NEK11: variants seen among roughly 807,000 people sequenced by gnomAD.
The protein encoded by NEK11 is serine/threonine-protein kinase Nek11.
NEK11 carries 72 observed loss-of-function variants against 80.7 expected under a neutral mutation model. That is an observed-to-expected ratio of 0.89 (90% CI 0.74 to 1.08). NEK11 has a LOEUF of 1.08. Ranked by LOEUF, NEK11 falls within the 50% of genes least tolerant of loss-of-function variation. The pLI is 0.00. For missense variants in NEK11, 764 were observed against 763.6 expected (o/e 1.00, Z -0.01); for synonymous variants, 251 against 260.7 (o/e 0.96, Z 0.36).
At chr3:131,082,214 A>G (rs1163088130) in intron 4 of NEK11, among the ~76,000 whole-genome samples, 3 of 152,190 alleles carry the variant, frequency 2.0e-5, no homozygotes, top group South Asian at 2.1e-4. Context: ...CAAATATGTC[A>G]CCAATTCGTG....
intron 7 of NEK11, among the ~76,000 whole-genome samples, chr3:131,137,139 T>C (rs2085751658): frequency 6.6e-6 from 1 of 152,056 alleles, no homozygotes; most frequent in Non-Finnish European, 1.5e-5. Flanking sequence ...AAATTTGGTG[T>C]GGAGGTTGGT....
At chr3:131,264,683 C>G (rs976082603) in intron 16 of NEK11, among the ~76,000 whole-genome samples, 1 of 152,106 alleles carries the variant, frequency 6.6e-6, no homozygotes, top group Non-Finnish European at 1.5e-5. Context: ...TTAGGATTGT[C>G]TTGGCAATGT....
At chr3:131,262,828 G>A (rs1007969666) in intron 16 of NEK11, among the ~76,000 whole-genome samples, 2 of 151,514 alleles carry the variant, frequency 1.3e-5, no homozygotes, top group Non-Finnish European at 2.9e-5. Context: ...CCCAACCCCC[G>A]ACAGGCCCTG....
At position 131,162,466 on chromosome 3, in the gene NEK11, C is replaced by T. The variant is rs1399624488; in HGVS notation, c.1021C>T (p.Pro341Ser). 1.2e-6 allele frequency: 2 copies of T among 1,614,044 alleles called. No homozygotes were observed. The highest frequency in any genetic ancestry group is 1.7e-6 in the Non-Finnish European group (2 of 1,179,962). ...ACTGTCAGAAGTACAGAAAATGACG[C>T]CAAGAGAAAGGATGCGGCTGAGGAA... is the stretch of plus-strand genomic sequence containing the variant. ...RALSEVQKMT[P>S]RERMRLRKLQ... The change falls in exon 11 of 18, where the codon CCA (proline) becomes TCA (serine). Residue 341 changes from proline (P) to serine (S), a missense_variant. Transcript: ENST00000383366.
chr3:131,062,797 G>A (rs368179222), intron 3 of NEK11, among the ~76,000 whole-genome samples: 10 of 152,190 alleles, frequency 6.6e-5, no homozygotes, highest in African/African-American at 2.2e-4. Flanking sequence ...CTGTCAAGGA[G>A]GAAAGGAACC....
intron 17 of NEK11, among the ~76,000 whole-genome samples, chr3:131,309,621 G>A (rs1352697900): frequency 1.5e-5 from 2 of 131,116 alleles, no homozygotes; most frequent in Non-Finnish European, 3.4e-5. Flanking sequence ...TTTTTTTTTT[G>A]ACAATATTAT....
chr3:131,195,037 C>T (rs183177532), intron 14 of NEK11, among the ~76,000 whole-genome samples: 1 of 152,142 alleles, frequency 6.6e-6, no homozygotes, highest in Non-Finnish European at 1.5e-5. Flanking sequence ...CTGAGGAGCC[C>T]TCATCTCATC....
chr3:131,292,422 T>A lies in NEK11; in HGVS notation c.1718+18848T>A, dbSNP rs113859095. ...CTTTTTTACCTCTCCATATAAACTTTGGAATCTGTTTGTCAACATCCACAA... is the reference window on the plus strand; with the variant it reads ...CTTTTTTACCTCTCCATATAAACTTAGGAATCTGTTTGTCAACATCCACAA... On this transcript the variant is annotated intron_variant, in intron 17 of 17. Coordinates refer to ENST00000383366, the MANE Select transcript of NEK11 (RefSeq NM_024800.5). Among the ~76,000 whole-genome samples, 1,494 of 152,324 alleles carry A rather than the reference T, an allele frequency of 9.8e-3. 21 individuals carry two copies. Among genetic ancestry groups the A allele is most frequent in the African/African-American group, 0.032 (1,334 of 41,574 alleles).
intron 16 of NEK11, among the ~76,000 whole-genome samples, chr3:131,244,418 G>A (rs2095566243): frequency 6.6e-6 from 1 of 151,922 alleles, no homozygotes; most frequent in South Asian, 2.1e-4. Flanking sequence ...ATTTAACATC[G>A]AAGCATGACT....
At chr3:131,167,173 T>C (rs914459691) in intron 12 of NEK11, among the ~76,000 whole-genome samples, 4 of 152,182 alleles carry the variant, frequency 2.6e-5, no homozygotes. Context: ...TAATAATGAA[T>C]AGAAAATGGG....
intron 3 of NEK11, among the ~76,000 whole-genome samples, chr3:131,049,222 G>A (rs1164998999): frequency 3.3e-5 from 5 of 152,178 alleles, no homozygotes; most frequent in Non-Finnish European, 7.3e-5. Flanking sequence ...AATAACAAAT[G>A]GACCTCATGG....
At chr3:131,175,626 T>C (rs889779928) in intron 14 of NEK11, among the ~76,000 whole-genome samples, 24 of 152,162 alleles carry the variant, frequency 1.6e-4, no homozygotes, top group African/African-American at 5.1e-4. Flanking sequence ...AAAGGGCACA[T>C]GGAAACCTTT....
chr3:131,255,032 AAG>A (rs754846820), intron 16 of NEK11, among the ~76,000 whole-genome samples: 41 of 130,120 alleles, frequency 3.2e-4, no homozygotes, highest in African/African-American at 3.7e-4. Context: ...GAAAGAAAGA[AAG>A]AGAGAGAGAG....
intron 17 of NEK11, among the ~76,000 whole-genome samples, chr3:131,304,846 C>T (rs923537921): frequency 1.2e-4 from 18 of 152,154 alleles, no homozygotes; most frequent in Non-Finnish European, 2.1e-4. Flanking sequence ...TGTGTTCACG[C>T]GCACATGCCA....
In NEK11 at chr3:131,243,448, G is replaced by A. The variant is rs370645606; in HGVS notation, c.1573G>A (p.Glu525Lys). ...CTTATTTTGACAGGACAGTGATATCGAAGCGTTGGCCAGGTGTTTGGAAAA... is the reference window on the plus strand; with the variant it reads ...CTTATTTTGACAGGACAGTGATATCAAAGCGTTGGCCAGGTGTTTGGAAAA... The part of the protein sequence containing the change: ...YRTNQQDSDI[E>K]ALARCLENVL... The change falls in exon 16 of 18, where the codon GAA becomes AAA. Residue 525 changes from glutamate to lysine, a missense_variant. Transcript: ENST00000383366. The A allele has an allele frequency of 4.8e-5, 78 of 1,612,518 alleles. No homozygotes were observed. Among genetic ancestry groups the A allele is most frequent in the Middle Eastern group, 3.3e-4 (2 of 6,068 alleles).
chr3:131,168,343 T>C (rs2092411364), intron 12 of NEK11, among the ~76,000 whole-genome samples: 1 of 151,352 alleles, frequency 6.6e-6, no homozygotes. Flanking sequence ...ATTTCTTTTT[T>C]TTTTTTTATT....
rs796758578 is a variant in NEK11, at chr3:131,086,068, ATTC to A, written c.336+5485_336+5487del. On this transcript the variant is annotated intron_variant, in intron 4 of 17. Coordinates refer to ENST00000383366, the MANE Select transcript of NEK11 (RefSeq NM_024800.5). ...AAGACTACTACAATAGTAGTATTGT[ATTC>A]TTCTCAGTACATCATATTAAGGGGT... Among the ~76,000 whole-genome samples, 37 of 152,280 alleles carry A rather than the reference ATTC, an allele frequency of 2.4e-4. 1 individual carries two copies. Among genetic ancestry groups the A allele is most frequent in the African/African-American group, 7.7e-4 (32 of 41,558 alleles).
At chr3:131,228,477 CATT>C in intron 14 of NEK11, 48 bp from the exon 15 acceptor site, 1 of 1,485,128 alleles carries the variant, frequency 6.7e-7, no homozygotes, top group Non-Finnish European at 9.1e-7. Flanking sequence ...ATTCTTACCT[CATT>C]ATAATTTTAA....
intron 14 of NEK11, among the ~76,000 whole-genome samples, chr3:131,181,054 GTCCTAA>G (rs1362260809): frequency 6.6e-6 from 1 of 152,232 alleles, no homozygotes; most frequent in African/African-American, 2.4e-5. Context: ...TCCTAAGGCT[GTCCTAA>G]TCCTTGGAAC....
Sources: gnomAD v4.1 joint callset for allele counts (sites outside exome capture counted in the v4.1 genomes callset) on GRCh38, gnomAD v4.1.1 for gene constraint, MANE v1.5 for transcripts, NCBI Gene and HGNC (gene_info 2026-07-23, HGNC 2026-07-21) for gene names.